The following RELL1 variants were observed in gnomAD, a reference collection of about 807,000 sequenced individuals.
RELL1 encodes RELT-like protein 1.
RELL1 carries 10 observed loss-of-function variants against 23.0 expected under a neutral mutation model. The ratio of observed to expected loss-of-function variants is 0.43; its 90% CI spans 0.27 to 0.74. The LOEUF is 0.74. Among genes scored for constraint, RELL1 ranks in the 30% least tolerant of loss-of-function variants. The pLI is 0.19. For synonymous variants in RELL1, 146 were observed against 146.8 expected, an observed-to-expected ratio of 0.99 and a Z score of 0.04; for missense variants, 315 against 364.4, an observed-to-expected ratio of 0.86 and a Z score of 1.10.
Position 37,642,530 on chromosome 4 carries a change from T to C in RELL1, c.386-4026A>G, listed in dbSNP as rs117117291. Among the ~76,000 whole-genome samples the C allele has an allele frequency of 1.1e-3, 166 of 152,334 alleles. 2 individuals carry two copies. In the East Asian group the frequency reaches 0.03, roughly 28 times the overall value. ...TAGTCAGAGTGCAGGTGTGGCATAA[T>C]ATGCAACAGATTTGGTCATTGTCCT... On this transcript the variant is annotated intron_variant, in intron 3 of 6. Transcript: ENST00000454158.
intron 1 of RELL1, among the ~76,000 whole-genome samples, chr4:37,654,545 C>T (rs1363120926): frequency 6.6e-6 from 1 of 152,222 alleles, no homozygotes; most frequent in Non-Finnish European, 1.5e-5. Context: ...TCAATTTACA[C>T]TAATAATTTG....
At chr4:37,596,729 TA>T (rs1560319857) in intron 6 of RELL1, among the ~76,000 whole-genome samples, 1,331 of 21,596 alleles carry the variant, frequency 0.062, 52 homozygotes, top group Non-Finnish European at 0.11. Context: ...TATATATATA[TA>T]TATATATTTT....
intron 1 of RELL1, among the ~76,000 whole-genome samples, chr4:37,680,651 G>T (rs1431700969): frequency 6.6e-6 from 1 of 152,126 alleles, no homozygotes; most frequent in Admixed American, 6.5e-5. Context: ...AGTTAAGAAC[G>T]CAATTACAGG....
downstream of RELL1, among the ~76,000 whole-genome samples, chr4:37,608,304 G>A (rs1719284166): frequency 6.6e-6 from 1 of 152,188 alleles, no homozygotes; most frequent in Non-Finnish European, 1.5e-5. Context: ...CAAAAGCCGA[G>A]ACAGGCAGAA....
chr4:37,668,531 A>G (rs1354194091), intron 1 of RELL1, among the ~76,000 whole-genome samples: 1 of 151,982 alleles, frequency 6.6e-6, no homozygotes, highest in Non-Finnish European at 1.5e-5. Flanking sequence ...AATGGTGCCC[A>G]GGCTGGAGTG....
downstream of RELL1, among the ~76,000 whole-genome samples, chr4:37,607,791 T>C (rs1449296129): frequency 6.6e-6 from 1 of 152,216 alleles, no homozygotes; most frequent in East Asian, 1.9e-4. Flanking sequence ...GGTTTCACCA[T>C]GGTGGCCAGG....
chr4:37,617,093 G>T (rs1014706301), intron 6 of RELL1, among the ~76,000 whole-genome samples: 2 of 152,120 alleles, frequency 1.3e-5, no homozygotes, highest in African/African-American at 2.4e-5. Flanking sequence ...GCTAATCTAG[G>T]CTAATCCATG....
intron 5 of RELL1, among the ~76,000 whole-genome samples, chr4:37,633,830 C>T (rs768509791): frequency 1.6e-4 from 24 of 152,160 alleles, no homozygotes; most frequent in Non-Finnish European, 2.5e-4. Context: ...GAGGGGGAAA[C>T]TGAGGCATGG....
At chr4:37,635,944 CAA>C (rs1553873781) in intron 4 of RELL1, among the ~76,000 whole-genome samples, 4 of 152,132 alleles carry the variant, frequency 2.6e-5, no homozygotes, top group Non-Finnish European at 5.9e-5. Flanking sequence ...GCAAAGATAT[CAA>C]AAGTGATGTT....
chr4:37,607,063 G>A (rs1459230793), downstream of RELL1, among the ~76,000 whole-genome samples: 1 of 152,182 alleles, frequency 6.6e-6, no homozygotes, highest in East Asian at 1.9e-4. Context: ...AGAATCAGCT[G>A]AAACACCTAG....
chr4:37,598,809 C>T (rs1186731374), intron 6 of RELL1, among the ~76,000 whole-genome samples: 8 of 152,090 alleles, frequency 5.3e-5, no homozygotes, highest in Non-Finnish European at 7.4e-5. Context: ...CTCAGCCTCC[C>T]GAGTAGCTGG....
At chr4:37,634,588 T>C (rs1226372881) in intron 5 of RELL1, among the ~76,000 whole-genome samples, 1 of 152,242 alleles carries the variant, frequency 6.6e-6, no homozygotes, top group African/African-American at 2.4e-5. Context: ...CTGCCCTGGA[T>C]TCCATAAGTG....
chr4:37,636,835 C>G (rs1306483869), intron 4 of RELL1, among the ~76,000 whole-genome samples: 1 of 151,990 alleles, frequency 6.6e-6, no homozygotes, highest in Non-Finnish European at 1.5e-5. Flanking sequence ...CAGAAACCAG[C>G]CTTTTCGGTG....
intron 1 of RELL1, among the ~76,000 whole-genome samples, chr4:37,662,853 C>T (rs1251882235): frequency 6.6e-6 from 1 of 151,850 alleles, no homozygotes; most frequent in African/African-American, 2.4e-5. Context: ...TCTTGAGAGG[C>T]CAAGGACCTC....
chr4:37,606,577 A>G (rs2102336), downstream of RELL1, among the ~76,000 whole-genome samples: 63,188 of 152,134 alleles, frequency 0.42, 14,372 homozygotes, highest in Middle Eastern at 0.54. This position sits in a 1 kb window ranked among gnomAD's most constrained non-coding sequence, Gnocchi z 4.1. Context: ...CTCACACAGG[A>G]AAGAAGACAC....
At chr4:37,602,856 C>T in intron 6 of RELL1, among the ~76,000 whole-genome samples, 1 of 152,158 alleles carries the variant, frequency 6.6e-6, no homozygotes, top group East Asian at 1.9e-4. Flanking sequence ...GCATTCAGCG[C>T]GCGGGGTTCC....
At chr4:37,643,373 A>T (rs1720591360) in intron 3 of RELL1, among the ~76,000 whole-genome samples, 1 of 152,246 alleles carries the variant, frequency 6.6e-6, no homozygotes, top group Non-Finnish European at 1.5e-5. Context: ...AATGTGTTTA[A>T]ACCATAAACA....
At position 37,614,764 on chromosome 4, in the gene RELL1, G is replaced by A. The variant is rs116303846; in HGVS notation, c.*4-1422C>T. On this transcript the variant is annotated intron_variant, in intron 6 of 6. Transcript: ENST00000454158. Reference sequence around the variant, plus strand: ...TAGAAAACAGGTATGGTATTCCACTGTTTTTATGTCTCCTCTTTATGTGCT... The same window carrying A: ...TAGAAAACAGGTATGGTATTCCACTATTTTTATGTCTCCTCTTTATGTGCT... 5.7e-3 allele frequency among the ~76,000 whole-genome samples: 865 copies of A among 152,002 alleles called. 4 individuals are homozygous for A. Among genetic ancestry groups the A allele is most frequent in the African/African-American group, 0.02 (826 of 41,444 alleles).
intron 1 of RELL1, among the ~76,000 whole-genome samples, chr4:37,659,035 G>A (rs1327160440): frequency 5.9e-5 from 9 of 152,150 alleles, no homozygotes; most frequent in Non-Finnish European, 1.3e-4. Flanking sequence ...AGCCTTGCTG[G>A]CTCTTCAAAA....
Sources: allele counts gnomAD v4.1 joint callset (sites outside exome capture counted in the v4.1 genomes callset), GRCh38; gene constraint gnomAD v4.1.1; non-coding constraint Gnocchi (gnomAD v3.1); transcripts MANE v1.5; gene names NCBI Gene and HGNC (gene_info 2026-07-23, HGNC 2026-07-21).